The following ERBB4 variants were observed in gnomAD, a reference collection of about 807,000 sequenced individuals.
ERBB4 encodes erb-b2 receptor tyrosine kinase 4.
Under a neutral mutation model 158.0 loss-of-function variants are expected in ERBB4, and 42 were observed. That is an observed-to-expected ratio of 0.27 (90% CI 0.21 to 0.34). The LOEUF is 0.34. Among genes scored for constraint, ERBB4 ranks in the 10% least tolerant of loss-of-function variants. The pLI, the probability that ERBB4 is intolerant of heterozygous loss-of-function variation, is 1.00. For synonymous variants in ERBB4, 583 were observed against 558.7 expected (o/e 1.04, Z -0.61); for missense variants, 1,333 against 1,624.1 (o/e 0.82, Z 3.08).
chr2:211,699,629 C>T (rs2073157705), intron 12 of ERBB4, among the ~76,000 whole-genome samples: 1 of 151,962 alleles, frequency 6.6e-6, no homozygotes, highest in East Asian at 1.9e-4. Context: ...TATAGCACCA[C>T]AAAACTATGT....
Position 211,422,055 on chromosome 2 carries a change from A to C in ERBB4, c.2916T>G (p.Ala972=). ...DSRPKFKELA[A]EFSRMARDPQ... is the part of the protein sequence containing the mutation. ...GGTCTCGAGCCATCCTTGAAAACTC[A>C]GCAGCCAGTTCCTTAAATTTAGGTC... The change falls in exon 24 of 28, where the codon GCT becomes GCG. Residue 972 remains alanine, a synonymous_variant. Transcript: ENST00000342788. 1 of 1,612,646 alleles carries C rather than the reference A, an allele frequency of 6.2e-7. No individual in the cohort carries two copies. Among genetic ancestry groups the C allele is most frequent in the East Asian group, 2.2e-5 (1 of 44,848 alleles).
At chr2:211,819,269 A>G (rs1423721843) in intron 3 of ERBB4, among the ~76,000 whole-genome samples, 3 of 152,060 alleles carry the variant, frequency 2.0e-5, no homozygotes, top group Non-Finnish European at 2.9e-5. Context: ...TAGAGATATA[A>G]AAAAATGAAA....
rs150910977 is a variant in ERBB4, at chr2:212,001,456, T to C, written c.235-53840A>G. ...GAATAATATTTATTTTCTGTGGCCATTAATCAATGTCACTTGTGCTAAAAG... is the reference window on the plus strand; with the variant it reads ...GAATAATATTTATTTTCTGTGGCCACTAATCAATGTCACTTGTGCTAAAAG... On this transcript the variant is annotated intron_variant, in intron 2 of 27. Transcript: ENST00000342788. Among the ~76,000 whole-genome samples the C allele has an allele frequency of 2.6e-3, 394 of 152,302 alleles. 3 individuals are homozygous for C. The highest frequency in any genetic ancestry group is 4.4e-3 in the Admixed American group (67 of 15,298).
chr2:212,110,815 A>G lies in ERBB4; in HGVS notation c.234+13937T>C, dbSNP rs547639693. On this transcript the variant is annotated intron_variant, in intron 2 of 27. Coordinates refer to ENST00000342788, the MANE Select transcript of ERBB4 (RefSeq NM_005235.3). ...CCTAGATTATTGCCCCAAATGGCTG[A>G]AGCACAACTAGCTGTTTACTGAGCT... 2.6e-5 allele frequency among the ~76,000 whole-genome samples: 4 copies of G among 152,370 alleles called. No homozygotes were observed. The East Asian group carries it at 7.7e-4, about 29-fold the overall frequency.
rs532788173 is a variant in ERBB4, at chr2:212,350,700, G to T, written c.82+187749C>A. Among the ~76,000 whole-genome samples the T allele has an allele frequency of 1.2e-4, 19 of 152,062 alleles. No homozygotes were observed. In the East Asian group the frequency reaches 3.7e-3, roughly 29 times the overall value. Reference sequence around the variant, plus strand: ...ATTTATGTCATGAGTTTATAAAATTGCCTACTATTCTTAGAATGACACAAG... The same window carrying T: ...ATTTATGTCATGAGTTTATAAAATTTCCTACTATTCTTAGAATGACACAAG... On this transcript the variant is annotated intron_variant, in intron 1 of 27. Coordinates refer to ENST00000342788, the MANE Select transcript of ERBB4 (RefSeq NM_005235.3).
intron 4 of ERBB4, among the ~76,000 whole-genome samples, chr2:211,762,809 ACT>A (rs755788661): frequency 1.3e-5 from 2 of 152,036 alleles, no homozygotes; most frequent in Non-Finnish European, 2.9e-5. Flanking sequence ...TTCTCACATG[ACT>A]CTCACTCTCA....
chr2:212,268,379 G>A (rs988755292), intron 1 of ERBB4, among the ~76,000 whole-genome samples: 2 of 151,842 alleles, frequency 1.3e-5, no homozygotes, highest in Non-Finnish European at 2.9e-5. Context: ...GTTCCTTGCA[G>A]CTCTTTGAAA....
chr2:211,703,600 T>C (rs2106042667), intron 11 of ERBB4, among the ~76,000 whole-genome samples: 1 of 152,344 alleles, frequency 6.6e-6, no homozygotes, highest in Non-Finnish European at 1.5e-5. Context: ...TATAATTTTA[T>C]CAATGTCCTT....
At chr2:211,852,477 G>T (rs1216320480) in intron 3 of ERBB4, among the ~76,000 whole-genome samples, 1 of 151,836 alleles carries the variant, frequency 6.6e-6, no homozygotes, top group Non-Finnish European at 1.5e-5. Flanking sequence ...TCCTTATGCA[G>T]TATCATCAAT....
intron 1 of ERBB4, among the ~76,000 whole-genome samples, chr2:212,142,786 A>C (rs918974244): frequency 6.6e-6 from 1 of 151,888 alleles, no homozygotes; most frequent in African/African-American, 2.4e-5. Flanking sequence ...CTTTCATGAA[A>C]CTGTCCACCT....
chr2:211,986,716 A>T (rs2081946054), intron 2 of ERBB4, among the ~76,000 whole-genome samples: 1 of 152,120 alleles, frequency 6.6e-6, no homozygotes, highest in South Asian at 2.1e-4. Context: ...TGTTGTTAGG[A>T]TTCAATTAGG....
chr2:211,914,932 T>C (rs1324416942), intron 3 of ERBB4, among the ~76,000 whole-genome samples: 1 of 152,138 alleles, frequency 6.6e-6, no homozygotes, highest in Non-Finnish European at 1.5e-5. Context: ...ATGTACTTGC[T>C]TTCTGCTTAA....
At chr2:211,399,156 T>A (rs2062982262) in intron 25 of ERBB4, among the ~76,000 whole-genome samples, 1 of 152,220 alleles carries the variant, frequency 6.6e-6, no homozygotes, top group African/African-American at 2.4e-5. Flanking sequence ...TCAAAAAGTA[T>A]TTATGAAAGA....
chr2:211,838,242 C>T (rs1050649104), intron 3 of ERBB4, among the ~76,000 whole-genome samples: 2 of 151,900 alleles, frequency 1.3e-5, no homozygotes, highest in African/African-American at 4.8e-5. Context: ...GAGTGTGTGT[C>T]AGCGGGGTGG....
At chr2:211,740,598 T>C (rs530623049) in intron 5 of ERBB4, among the ~76,000 whole-genome samples, 18 of 151,030 alleles carry the variant, frequency 1.2e-4, no homozygotes, top group African/African-American at 4.1e-4. Flanking sequence ...CTATACTGTT[T>C]ACTTAATTAT....
intron 1 of ERBB4, among the ~76,000 whole-genome samples, chr2:212,203,516 G>A (rs991541274): frequency 1.3e-4 from 20 of 152,190 alleles, no homozygotes; most frequent in African/African-American, 4.8e-4. Flanking sequence ...TGAAAGATGG[G>A]AAGGCACTGG....
At chr2:212,269,546 T>C (rs1018264705) in intron 1 of ERBB4, among the ~76,000 whole-genome samples, 6 of 151,804 alleles carry the variant, frequency 4.0e-5, no homozygotes, top group Admixed American at 6.6e-5. Context: ...ATATTATTTG[T>C]GCAATTAAGT....
intron 1 of ERBB4, among the ~76,000 whole-genome samples, chr2:212,357,703 T>C (rs987382210): frequency 6.6e-6 from 1 of 151,762 alleles, no homozygotes; most frequent in South Asian, 2.1e-4. Context: ...TGCAGAAACG[T>C]AGCTTTCTAT....
chr2:212,042,525 T>C (rs1389519388), intron 2 of ERBB4, among the ~76,000 whole-genome samples: 5 of 152,162 alleles, frequency 3.3e-5, no homozygotes, highest in Admixed American at 3.3e-4. Flanking sequence ...GTGCTTTCCG[T>C]TATTATTTTT....
Sources: gnomAD v4.1 joint callset for allele counts (sites outside exome capture counted in the v4.1 genomes callset) on GRCh38, gnomAD v4.1.1 for gene constraint, MANE v1.5 for transcripts, NCBI Gene and HGNC (gene_info 2026-07-23, HGNC 2026-07-21) for gene names.